The following EFS variants were observed in gnomAD, a reference collection of about 807,000 sequenced individuals.
EFS encodes embryonal Fyn-associated substrate, also known as Cas scaffolding protein family member 3.
Under a neutral mutation model 42.2 loss-of-function variants are expected in EFS, and 34 were observed. That is an observed-to-expected ratio of 0.81 (90% CI 0.61 to 1.07). The LOEUF is 1.07. Ranked by LOEUF, EFS falls within the 50% of genes least tolerant of loss-of-function variation. The pLI, the probability that EFS is intolerant of heterozygous loss-of-function variation, is 0.00. For missense variants in EFS, 717 were observed against 729.4 expected (o/e 0.98, Z 0.20); for synonymous variants, 299 against 320.7 (o/e 0.93, Z 0.72).
intron 4 of EFS, 100 bp from the exon 5 acceptor site, chr14:23,359,065 G>A: frequency 1.6e-6 from 2 of 1,221,328 alleles, no homozygotes; most frequent in Non-Finnish European, 2.3e-6. Flanking sequence ...TCCTTCCGAA[G>A]GACACTCCTG....
At chr14:23,357,972 G>C (rs760452511) in intron 5 of EFS, among the ~76,000 whole-genome samples, 5 of 151,794 alleles carry the variant, frequency 3.3e-5, no homozygotes, top group Non-Finnish European at 7.4e-5. Flanking sequence ...TGAAATTTTA[G>C]ATGTGTTAGT....
intron 2 of EFS, 64 bp from the exon 3 acceptor site, chr14:23,360,345 A>G: frequency 6.4e-7 from 1 of 1,551,680 alleles, no homozygotes; most frequent in South Asian, 1.2e-5. Flanking sequence ...ATAATGTCTG[A>G]GTGCGAGGAG....
Position 23,365,053 on chromosome 14 carries a change from C to G in EFS, c.-28G>C. Reference sequence around the variant, plus strand: ...CTTTGGCCTCCCGCGCAGCCTGCCTCAGGCCAGGCTCGGTTTTGCTGACTT... The same window carrying G: ...CTTTGGCCTCCCGCGCAGCCTGCCTGAGGCCAGGCTCGGTTTTGCTGACTT... On this transcript the variant is annotated 5_prime_UTR_variant, in exon 1 of 6. Coordinates refer to ENST00000216733, the MANE Select transcript of EFS (RefSeq NM_005864.4). The surrounding 1 kb of genome is among the most constrained non-coding windows in gnomAD (Gnocchi z 5.3). The G allele has an allele frequency of 7.6e-7, 1 of 1,309,410 alleles. No individual in the cohort carries two copies. The highest frequency in any genetic ancestry group is 9.8e-7 in the Non-Finnish European group (1 of 1,019,216). The allele number at this position is 1,309,410 out of a possible 1,614,324, so 81.1% of individuals were successfully genotyped here.
intron 1 of EFS, among the ~76,000 whole-genome samples, chr14:23,362,293 C>T (rs1018983145): frequency 1.3e-5 from 2 of 152,154 alleles, no homozygotes; most frequent in Non-Finnish European, 2.9e-5. Flanking sequence ...GCTAGTTAGG[C>T]ATTACTAGCC....
At position 23,359,502 on chromosome 14, in the gene EFS, G is replaced by T; in HGVS notation, c.976C>A (p.Pro326Thr). 6.4e-7 allele frequency: 1 copy of T among 1,565,660 alleles called. No homozygotes were observed. Among genetic ancestry groups the T allele is most frequent in the Non-Finnish European group, 8.6e-7 (1 of 1,160,354 alleles). ...TCCTGGATGCTGCCCTTCCGGCCTG[G>T]GGCAGGAGAGGGCACTGGGGAGGGG... is the stretch of plus-strand genomic sequence containing the variant. The part of the protein sequence containing the change: ...PSPSPVPSPA[P>T]GRKGSIQDRP... Residue 326 changes from proline to threonine, a missense_variant, in exon 4 of 6, where the codon CCA (proline) becomes ACA (threonine). Pro to Thr is a conservative substitution (Grantham distance 38, BLOSUM62 -1). Coordinates refer to ENST00000216733, the MANE Select transcript of EFS (RefSeq NM_005864.4).
chr14:23,362,741 A>G (rs1212415383), intron 1 of EFS, among the ~76,000 whole-genome samples: 1 of 152,130 alleles, frequency 6.6e-6, no homozygotes, highest in African/African-American at 2.4e-5. Context: ...TTCTTTTAAA[A>G]TTTTATTTAA....
chr14:23,357,322 T>C lies in EFS; in HGVS notation c.1590A>G (p.Pro530=). 1 of 1,611,122 alleles carries C rather than the reference T, an allele frequency of 6.2e-7. No homozygotes were observed. Residue 530 remains proline, a synonymous_variant, in exon 6 of 6, where the codon CCA becomes CCG. Coordinates refer to ENST00000216733, the MANE Select transcript of EFS (RefSeq NM_005864.4). ...CCATCTCTTGGATGGCAGGGCTGGA[T>C]GGGTAGCCCAGGGCAGCTCCCTTGA... ...LAVKGAALGY[P]SSPAIQEMVQ... is the part of the protein sequence containing the mutation.
chr14:23,359,637 C>A lies in EFS; in HGVS notation c.841G>T (p.Ala281Ser), dbSNP rs1376201436. 6.6e-7 allele frequency: 1 copy of A among 1,505,106 alleles called. No homozygotes were observed. Among genetic ancestry groups the A allele is most frequent in the East Asian group, 2.4e-5 (1 of 42,430 alleles). 93.2% of individuals were successfully genotyped at this position (1,505,106 alleles called of 1,614,324 possible). A position where few individuals can be genotyped will look rare whatever the true frequency, so the allele number is the denominator to read the frequency against. ...ALASHDQDTLAQLLARSPPPP... is the reference protein window; with the variant it reads ...ALASHDQDTLSQLLARSPPPP... ...GGGGGGCTTCTGGCCAGAAGCTGGG[C>A]CAGGGTGTCCTGGTCATGGGAGGCC... Residue 281 changes from alanine to serine, a missense_variant, in exon 4 of 6, where the codon GCC becomes TCC. Coordinates refer to ENST00000216733, the MANE Select transcript of EFS (RefSeq NM_005864.4).
Position 23,364,404 on chromosome 14 carries a change from C to T in EFS, c.18+604G>A, listed in dbSNP as rs138882562. On this transcript the variant is annotated intron_variant, in intron 1 of 5. Coordinates refer to ENST00000216733, the MANE Select transcript of EFS (RefSeq NM_005864.4). Reference sequence around the variant, plus strand: ...AGCCTCTGTGCTCTCTGGGAGGCCTCCTCCCACTGTCCCATCATGCCAGCT... The same window carrying T: ...AGCCTCTGTGCTCTCTGGGAGGCCTTCTCCCACTGTCCCATCATGCCAGCT... Among the ~76,000 whole-genome samples, 12 of 152,290 alleles carry T rather than the reference C, an allele frequency of 7.9e-5. No individual in the cohort carries two copies. The East Asian group carries it at 1.9e-3, about 25-fold the overall frequency.
In EFS at chr14:23,359,704, C is replaced by T. The variant is rs1295360797; in HGVS notation, c.774G>A (p.Leu258=). 7 of 1,515,064 alleles carry T rather than the reference C, an allele frequency of 4.6e-6. No individual in the cohort carries two copies. The highest frequency in any genetic ancestry group is 2.3e-5 in the Admixed American group (1 of 43,824). 93.9% of individuals were successfully genotyped at this position (1,515,064 alleles called of 1,614,324 possible). Residue 258 remains leucine (L), a synonymous_variant, in exon 4 of 6, where the codon CTG becomes CTA. Transcript: ENST00000216733. The part of the protein sequence containing the change: ...TDEGIYDVPL[L]GPEAPPSPEP... ...CTGGAGAAGGGGGAGCCTCTGGCCC[C>T]AGCAGAGGCACATCGTAGATCCCCT...
Position 23,357,219 on chromosome 14 carries a change from A to G in EFS, c.*7T>C, listed in dbSNP as rs1455594332. 3.5e-5 allele frequency: 54 copies of G among 1,532,852 alleles called. No individual in the cohort carries two copies. Among genetic ancestry groups the G allele is most frequent in the Non-Finnish European group, 4.6e-5 (52 of 1,132,378 alleles). The allele number at this position is 1,532,852 out of a possible 1,614,324, so 95.0% of individuals were successfully genotyped here. On this transcript the variant is annotated 3_prime_UTR_variant, in exon 6 of 6. Transcript: ENST00000216733. ...CAGGGGAGGAGCAGAGCTGTGCCAA[A>G]GGACCTTCATGGAGCCAGGCTAGTG...
At position 23,360,493 on chromosome 14, in the gene EFS, G is replaced by C. The variant is rs563262675; in HGVS notation, c.297+62C>G. The stretch of plus-strand genomic sequence containing the variant: ...TGCCCACCTGCTGCAGGCCCTGGGT[G>C]GGGCTAGTTGGGGAGGAATGGGGCT... On this transcript the variant is annotated intron_variant, in intron 2 of 5. Transcript: ENST00000216733. 184 of 1,514,590 alleles carry C rather than the reference G, an allele frequency of 1.2e-4. 3 individuals are homozygous for C. The South Asian group carries it at 2.2e-3, about 18-fold the overall frequency. 93.8% of individuals were successfully genotyped at this position (1,514,590 alleles called of 1,614,324 possible).
intron 3 of EFS, 31 bp downstream of exon 3, chr14:23,360,110 C>T (rs1566491464): frequency 6.2e-7 from 1 of 1,614,180 alleles, no homozygotes; most frequent in Non-Finnish European, 8.5e-7. Context: ...TTGTCTCCCA[C>T]CCAACATACA....
rs1474144882 is a variant in EFS, at chr14:23,360,716, A to T, written c.136T>A (p.Trp46Arg). 2.5e-6 allele frequency: 4 copies of T among 1,613,760 alleles called. No homozygotes were observed. Among genetic ancestry groups the T allele is most frequent in the Non-Finnish European group, 3.4e-6 (4 of 1,179,880 alleles). Residue 46 changes from tryptophan to arginine, a missense_variant, in exon 2 of 6, where the codon TGG becomes AGG. Coordinates refer to ENST00000216733, the MANE Select transcript of EFS (RefSeq NM_005864.4). ...QREGAGGLDG[W>R]CLCSLHGQQG... ...TGGCCGTGTAGGGAGCAGAGGCACC[A>T]GCCGTCCAGTCCACCAGCGCCCTCT...
intron 1 of EFS, among the ~76,000 whole-genome samples, chr14:23,364,329 C>G (rs1890251288): frequency 6.6e-6 from 1 of 152,186 alleles, no homozygotes; most frequent in Non-Finnish European, 1.5e-5. Flanking sequence ...TATCCCCCAG[C>G]AGCCCAGCTG....
chr14:23,358,766 C>T lies in EFS; in HGVS notation c.1251+110G>A, dbSNP rs1595024248. 19 of 994,710 alleles carry T rather than the reference C, an allele frequency of 1.9e-5. No homozygotes were observed. In the South Asian group the frequency reaches 2.6e-4, roughly 13 times the overall value. The allele number at this position is 994,710 out of a possible 1,614,324, so 61.6% of individuals were successfully genotyped here. ...TCTGTCCCTGGTTCCTGTGAACTCT[C>T]ACTCCATCCTAACCTATTTCCTTCC... is the stretch of plus-strand genomic sequence containing the variant. On this transcript the variant is annotated intron_variant, in intron 5 of 5. Coordinates refer to ENST00000216733, the MANE Select transcript of EFS (RefSeq NM_005864.4).
At position 23,359,764 on chromosome 14, in the gene EFS, T is replaced by C. The variant is rs751422393; in HGVS notation, c.714A>G (p.Glu238=). Residue 238 remains glutamate, a synonymous_variant, in exon 4 of 6, where the codon GAA becomes GAG. Transcript: ENST00000216733. ...CCCCGCCCTCCCCGTCTGCCAGCAG[T>C]TCCTCGGGTGCTTCATACAAATTGA... is the stretch of plus-strand genomic sequence containing the variant. ...ALLNLYEAPE[E]LLADGEGGGT... 7.2e-6 allele frequency: 11 copies of C among 1,517,602 alleles called. No individual in the cohort carries two copies. The East Asian group carries it at 2.5e-4, about 35-fold the overall frequency. The allele number at this position is 1,517,602 out of a possible 1,614,324, so 94.0% of individuals were successfully genotyped here.
Position 23,359,640 on chromosome 14 carries a change from G to C in EFS, c.838C>G (p.Leu280Val). The change falls in exon 4 of 6, where the codon CTG becomes GTG. Residue 280 changes from leucine to valine, a missense_variant. Leu to Val is a conservative substitution (Grantham distance 32, BLOSUM62 1). Coordinates refer to ENST00000216733, the MANE Select transcript of EFS (RefSeq NM_005864.4). Reference sequence around the variant, plus strand: ...GGGCTTCTGGCCAGAAGCTGGGCCAGGGTGTCCTGGTCATGGGAGGCCAAG... The same window carrying C: ...GGGCTTCTGGCCAGAAGCTGGGCCACGGTGTCCTGGTCATGGGAGGCCAAG... ...GALASHDQDTLAQLLARSPPP... is the reference protein window; with the variant it reads ...GALASHDQDTVAQLLARSPPP... 5 of 1,508,968 alleles carry C rather than the reference G, an allele frequency of 3.3e-6. No individual in the cohort carries two copies. The highest frequency in any genetic ancestry group is 4.4e-6 in the Non-Finnish European group (5 of 1,131,526). The allele number at this position is 1,508,968 out of a possible 1,614,324, so 93.5% of individuals were successfully genotyped here.
intron 1 of EFS, among the ~76,000 whole-genome samples, chr14:23,362,669 G>C (rs1274771097): frequency 1.3e-5 from 2 of 152,208 alleles, no homozygotes; most frequent in Non-Finnish European, 2.9e-5. Context: ...TTTGGATCTA[G>C]CCAGGGGATT....
Sources: allele counts gnomAD v4.1 joint callset (sites outside exome capture counted in the v4.1 genomes callset), GRCh38; gene constraint gnomAD v4.1.1; non-coding constraint Gnocchi (gnomAD v3.1); transcripts MANE v1.5; gene names NCBI Gene and HGNC (gene_info 2026-07-23, HGNC 2026-07-21).